ERI1: variants seen among roughly 807,000 people sequenced by gnomAD.
ERI1 encodes the protein 3'-5' exoribonuclease 1.
Under a neutral mutation model 39.7 loss-of-function variants are expected in ERI1, and 39 were observed. That is an observed-to-expected ratio of 0.98 (90% CI 0.76 to 1.28). The LOEUF (loss-of-function observed/expected upper bound fraction) is 1.28, where lower values mean the gene tolerates loss of function less well. Ranked by LOEUF, ERI1 falls within the 50% of genes most tolerant of loss-of-function variation. The pLI is 0.00. For missense variants in ERI1, 581 were observed against 416.9 expected, an observed-to-expected ratio of 1.39 and a Z score of -3.43; for synonymous variants, 204 against 149.6, an observed-to-expected ratio of 1.36 and a Z score of -2.65.
At chr8:9,038,134 T>G (rs1017629515), downstream of ERI1, among the ~76,000 whole-genome samples, 3 of 152,190 alleles carry the variant, frequency 2.0e-5, no homozygotes, top group Non-Finnish European at 2.9e-5. Flanking sequence ...CAGTGGAGTC[T>G]CCATACCATA....
intron 6 of ERI1, among the ~76,000 whole-genome samples, chr8:9,023,545 T>G (rs984806304): frequency 6.6e-6 from 1 of 152,140 alleles, no homozygotes; most frequent in South Asian, 2.1e-4. Flanking sequence ...GTGGTTTCTC[T>G]TTGTGCACCT....
chr8:9,029,341 G>T (rs551691680), intron 6 of ERI1, among the ~76,000 whole-genome samples: 40 of 152,058 alleles, frequency 2.6e-4, no homozygotes, highest in Admixed American at 2.1e-3. Context: ...AAATTTCAGG[G>T]TTTTTTTGAT....
At chr8:9,035,026 A>G (rs1797797396), downstream of ERI1, among the ~76,000 whole-genome samples, 1 of 152,218 alleles carries the variant, frequency 6.6e-6, no homozygotes, top group African/African-American at 2.4e-5. Context: ...TAACTGTCTC[A>G]TATTCTGTGA....
At chr8:9,046,874 A>T (rs1798189752) in intron 3 of ERI1, among the ~76,000 whole-genome samples, 1 of 152,212 alleles carries the variant, frequency 6.6e-6, no homozygotes, top group African/African-American at 2.4e-5. Flanking sequence ...TTTGTGGCAC[A>T]GATGAGCTCC....
chr8:9,030,098 A>C lies in ERI1; in HGVS notation c.*64A>C. 2.2e-4 allele frequency: 342 copies of C among 1,589,826 alleles called. No homozygotes were observed. The highest frequency in any genetic ancestry group is 3.4e-4 in the Middle Eastern group (2 of 5,902). On this transcript the variant is annotated 3_prime_UTR_variant, in exon 7 of 7. Transcript: ENST00000250263. ...TATGAAGAGGTAGCAGATGAATCTC[A>C]TTGAATTAGTCCTGTAGTGCAAACT... is the stretch of plus-strand genomic sequence containing the variant.
At chr8:9,019,930 G>A (rs1217846829) in intron 5 of ERI1, among the ~76,000 whole-genome samples, 1 of 152,114 alleles carries the variant, frequency 6.6e-6, no homozygotes, top group East Asian at 1.9e-4. Flanking sequence ...GAAAAATGTT[G>A]TAGCAGAACA....
intron 2 of ERI1, among the ~76,000 whole-genome samples, chr8:9,009,708 T>A (rs1399296892): frequency 6.6e-6 from 1 of 152,070 alleles, no homozygotes; most frequent in Non-Finnish European, 1.5e-5. Flanking sequence ...CCTGGCTAAT[T>A]TTTGTATTTT....
At chr8:9,039,119 C>G (rs1036610478) in intron 3 of ERI1, among the ~76,000 whole-genome samples, 1 of 152,046 alleles carries the variant, frequency 6.6e-6, no homozygotes, top group Admixed American at 6.6e-5. Flanking sequence ...AGGGCTTTAC[C>G]AAGACTATCA....
intron 6 of ERI1, among the ~76,000 whole-genome samples, chr8:9,027,376 A>C: frequency 6.6e-6 from 1 of 152,136 alleles, no homozygotes; most frequent in Middle Eastern, 3.4e-3. Context: ...GGAGTTCTTT[A>C]TTCTGGATAT....
rs529998130 is a variant in ERI1, at chr8:9,096,658, A to C, written n.300-19690A>C. On this transcript the variant is annotated intron_variant and non_coding_transcript_variant, in intron 3 of 3. Transcript: ENST00000518663. The stretch of plus-strand genomic sequence containing the variant: ...TTTGAGAAGAGGCCTAAGTGATCCA[A>C]AGTCCCGTTCTATGAAATGAAATGT... 4 of 151,350 alleles carry C rather than the reference A, an allele frequency of 2.6e-5. No individual in the cohort carries two copies. The East Asian group carries it at 7.8e-4, about 29-fold the overall frequency. The allele number at this position is 151,350 out of a possible 1,614,324, so 9.4% of individuals were successfully genotyped here. A position where few individuals can be genotyped will look rare whatever the true frequency, so the allele number is the denominator to read the frequency against.
chr8:9,058,119 G>T (rs1798569705), intron 3 of ERI1, among the ~76,000 whole-genome samples: 1 of 152,318 alleles, frequency 6.6e-6, no homozygotes, highest in South Asian at 2.1e-4. Context: ...AAAACAGACT[G>T]CAGGGGGTCA....
At chr8:9,094,506 G>C (rs1397961305) in intron 3 of ERI1, among the ~76,000 whole-genome samples, 1 of 152,130 alleles carries the variant, frequency 6.6e-6, no homozygotes, top group Non-Finnish European at 1.5e-5. Context: ...TCTGCGCACA[G>C]GGTAGAGAGA....
intron 3 of ERI1, among the ~76,000 whole-genome samples, chr8:9,073,261 T>C (rs900670618): frequency 5.3e-5 from 8 of 152,244 alleles, no homozygotes; most frequent in Non-Finnish European, 1.2e-4. Context: ...CATAGTAGCA[T>C]TAATCTGTCA....
At position 9,004,049 on chromosome 8, in the gene ERI1, A is replaced by G. The variant is rs559698750; in HGVS notation, c.108+878A>G. The G allele has an allele frequency of 3.1e-6, 4 of 1,286,104 alleles. No individual in the cohort carries two copies. The South Asian group carries it at 4.9e-5, about 16-fold the overall frequency. 79.7% of individuals were successfully genotyped at this position (1,286,104 alleles called of 1,614,324 possible). ...GCCTCCCTTGGTAATTGCATCTCACACAGTTTTTTCCCTTTTGTTCCCAGT... is the reference window on the plus strand; with the variant it reads ...GCCTCCCTTGGTAATTGCATCTCACGCAGTTTTTTCCCTTTTGTTCCCAGT... On this transcript the variant is annotated intron_variant, in intron 1 of 6. Coordinates refer to ENST00000250263, the MANE Select transcript of ERI1 (RefSeq NM_153332.4).
intron 4 of ERI1, among the ~76,000 whole-genome samples, chr8:9,017,014 A>G (rs901788329): frequency 9.9e-5 from 15 of 151,496 alleles, no homozygotes; most frequent in African/African-American, 2.9e-4. Context: ...TCTGTTTACA[A>G]CCTGACTTTA....
At chr8:9,038,472 A>G (rs532677854) in intron 3 of ERI1, among the ~76,000 whole-genome samples, 1 of 152,336 alleles carries the variant, frequency 6.6e-6, no homozygotes, top group African/African-American at 2.4e-5. Flanking sequence ...ATTTAAAATT[A>G]TATATGGCTG....
At position 9,071,406 on chromosome 8, in the gene ERI1, C is replaced by A. The variant is rs865788858; in HGVS notation, n.300-44942C>A. Among the ~76,000 whole-genome samples, 4 of 152,294 alleles carry A rather than the reference C, an allele frequency of 2.6e-5. 1 individual carries two copies. In the Middle Eastern group the frequency reaches 0.014, roughly 518 times the overall value. ...GCCTTTAAGCTCCCACGGTGGAATT[C>A]AATATAATTAAAAGCAACAAGTATT... On this transcript the variant is annotated intron_variant and non_coding_transcript_variant, in intron 3 of 3. Coordinates refer to the ERI1 transcript ENST00000518663.
intron 6 of ERI1, among the ~76,000 whole-genome samples, chr8:9,023,395 T>A (rs1178184933): frequency 2.0e-5 from 3 of 152,152 alleles, no homozygotes; most frequent in Non-Finnish European, 4.4e-5. Flanking sequence ...TGGAATAATT[T>A]TTATTATTAA....
chr8:9,012,064 G>C (rs554159720), intron 3 of ERI1, among the ~76,000 whole-genome samples: 1 of 152,226 alleles, frequency 6.6e-6, no homozygotes, highest in South Asian at 2.1e-4. Flanking sequence ...ACTGATGCCT[G>C]GCCCTAGTCC....
Sources: gnomAD v4.1 joint callset for allele counts (sites outside exome capture counted in the v4.1 genomes callset) on GRCh38, gnomAD v4.1.1 for gene constraint, MANE v1.5 for transcripts, NCBI Gene and HGNC (gene_info 2026-07-23, HGNC 2026-07-21) for gene names.